COL19A1: variants seen among roughly 807,000 people sequenced by gnomAD.
COL19A1 encodes collagen type XIX alpha 1 chain, also known as collagen alpha-1(XIX) chain.
A neutral mutation model predicts 190.2 loss-of-function variants in COL19A1; 159 were observed. The observed-to-expected ratio is 0.84, with a 90% CI of 0.73 to 0.95. The LOEUF is 0.95. Ranked by LOEUF, COL19A1 falls within the 40% of genes least tolerant of loss-of-function variation. The probability of loss-of-function intolerance (pLI) is 0.00; values close to 1 mark genes in which losing one functional copy is unlikely to be tolerated. For missense variants in COL19A1, 1,418 were observed against 1,431.9 expected (o/e 0.99, Z 0.16); for synonymous variants, 509 against 458.9 (o/e 1.11, Z -1.39).
intron 11 of COL19A1, among the ~76,000 whole-genome samples, chr6:70,001,372 G>T (rs2150084427): frequency 6.6e-6 from 1 of 152,262 alleles, no homozygotes; most frequent in South Asian, 2.1e-4. Context: ...GATTCCATAA[G>T]AAATTTAAAA....
Position 69,959,371 on chromosome 6 carries a change from A to G in COL19A1, c.937-625A>G, listed in dbSNP as rs144800979. 8.6e-5 allele frequency among the ~76,000 whole-genome samples: 13 copies of G among 151,822 alleles called. No homozygotes were observed. In the Middle Eastern group the frequency reaches 0.014, roughly 160 times the overall value. On this transcript the variant is annotated intron_variant, in intron 9 of 50. Transcript: ENST00000620364. ...CATGCTTGTACATATATAAGAATAC[A>G]CACACACACACACATATATATAATA... is the stretch of plus-strand genomic sequence containing the variant.
At chr6:70,204,903 A>G (rs528235944) in intron 49 of COL19A1, among the ~76,000 whole-genome samples, 1 of 152,302 alleles carries the variant, frequency 6.6e-6, no homozygotes, top group Non-Finnish European at 1.5e-5. Context: ...TGTTTAAGTA[A>G]TGGATTTGGG....
chr6:69,889,551 C>G (rs1397493387), intron 2 of COL19A1, among the ~76,000 whole-genome samples: 1 of 151,302 alleles, frequency 6.6e-6, no homozygotes, highest in Non-Finnish European at 1.5e-5. Context: ...AATCTGCGCT[C>G]TATGTCTAGC....
intron 25 of COL19A1, among the ~76,000 whole-genome samples, chr6:70,146,011 A>T (rs183215728): frequency 1.0e-3 from 155 of 152,214 alleles, no homozygotes; most frequent in African/African-American, 3.5e-3. Flanking sequence ...ATCTTACTCT[A>T]TAAATCAGAG....
At chr6:69,998,240 A>G (rs1477570244) in intron 11 of COL19A1, among the ~76,000 whole-genome samples, 2 of 152,236 alleles carry the variant, frequency 1.3e-5, no homozygotes, top group Non-Finnish European at 2.9e-5. Context: ...ACATGCAAAT[A>G]CATTATAACA....
chr6:69,932,255 T>C (rs572801695), intron 6 of COL19A1, among the ~76,000 whole-genome samples: 1 of 152,130 alleles, frequency 6.6e-6, no homozygotes, highest in Admixed American at 6.6e-5. Flanking sequence ...TATACCAATA[T>C]AATATAAAAT....
intron 2 of COL19A1, among the ~76,000 whole-genome samples, chr6:69,884,304 C>G (rs1768764121): frequency 6.7e-6 from 1 of 150,094 alleles, no homozygotes; most frequent in African/African-American, 2.5e-5. Context: ...CACGCCATTG[C>G]ACTCCAGCCT....
At chr6:70,179,408 C>T (rs1766024946) in intron 42 of COL19A1, among the ~76,000 whole-genome samples, 1 of 152,208 alleles carries the variant, frequency 6.6e-6, no homozygotes, top group South Asian at 2.1e-4. Flanking sequence ...CACACTCAGG[C>T]CTTGTGTGCT....
intron 37 of COL19A1, 138 bp downstream of exon 37, chr6:70,166,123 T>A: frequency 1.3e-6 from 1 of 783,252 alleles, no homozygotes; most frequent in Admixed American, 2.0e-5. Context: ...TGATAGCCAA[T>A]GTAGCTTTAA....
intron 11 of COL19A1, among the ~76,000 whole-genome samples, chr6:70,002,184 T>C (rs1777306527): frequency 6.6e-6 from 1 of 152,220 alleles, no homozygotes; most frequent in Admixed American, 6.5e-5. Context: ...TTTGCACATG[T>C]TGAACCAGCC....
intron 2 of COL19A1, among the ~76,000 whole-genome samples, chr6:69,894,331 C>T (rs1349667970): frequency 4.6e-5 from 7 of 152,168 alleles, no homozygotes; most frequent in African/African-American, 4.8e-5. Context: ...TTCCATATGT[C>T]CCCAGGCCTT....
chr6:69,882,297 C>T (rs1768615763), intron 2 of COL19A1, among the ~76,000 whole-genome samples: 1 of 152,102 alleles, frequency 6.6e-6, no homozygotes, highest in Admixed American at 6.6e-5. Context: ...CATATTCTTT[C>T]GTCAATTTGC....
At chr6:70,195,680 C>T (rs1361601745) in intron 48 of COL19A1, among the ~76,000 whole-genome samples, 1 of 152,204 alleles carries the variant, frequency 6.6e-6, no homozygotes, top group African/African-American at 2.4e-5. Flanking sequence ...AACAGGCTTT[C>T]AATCAGTGCT....
At chr6:69,940,248 C>T (rs1773388178) in intron 9 of COL19A1, among the ~76,000 whole-genome samples, 1 of 151,992 alleles carries the variant, frequency 6.6e-6, no homozygotes, top group Non-Finnish European at 1.5e-5. Flanking sequence ...AAATAGACAT[C>T]TCTCACTTTA....
At chr6:69,965,696 G>T (rs1256469678) in intron 11 of COL19A1, among the ~76,000 whole-genome samples, 1 of 152,216 alleles carries the variant, frequency 6.6e-6, no homozygotes, top group Non-Finnish European at 1.5e-5. Flanking sequence ...CAGAAAGGTT[G>T]TTGGTGCTGA....
rs1767938668 is a variant in COL19A1 at position 70,207,228 on chromosome 6, G to T, written c.3383G>T (p.Cys1128Phe). ...GPSGRCNPED[C>F]LYPVSHAHQR... The stretch of plus-strand genomic sequence containing the variant: ...AGTGGAAGATGTAACCCAGAAGATT[G>T]CCTCTATCCTGTGTCTCATGCCCAT... The change falls in exon 51 of 51, where the codon TGC (cysteine) becomes TTC (phenylalanine). Residue 1128 changes from cysteine to phenylalanine, a missense_variant. By Grantham distance (205) the Cys-to-Phe change is radical. Transcript: ENST00000620364. 6.2e-7 allele frequency: 1 copy of T among 1,614,006 alleles called. No individual in the cohort carries two copies. Among genetic ancestry groups the T allele is most frequent in the South Asian group, 1.1e-5 (1 of 91,072 alleles).
chr6:70,059,636 T>G (rs1380951562), intron 14 of COL19A1: 7 of 288,394 alleles, frequency 2.4e-5, no homozygotes, highest in Non-Finnish European at 4.2e-5. Flanking sequence ...TGCTTATTTT[T>G]ATCTTAGCCA....
At chr6:70,019,380 T>C (rs1413166916) in intron 11 of COL19A1, among the ~76,000 whole-genome samples, 1 of 152,126 alleles carries the variant, frequency 6.6e-6, no homozygotes, top group Non-Finnish European at 1.5e-5. Flanking sequence ...GAAAGATTAG[T>C]AATATTAATA....
intron 27 of COL19A1, among the ~76,000 whole-genome samples, chr6:70,149,481 G>A (rs1462768204): frequency 2.0e-5 from 3 of 152,084 alleles, no homozygotes; most frequent in Non-Finnish European, 4.4e-5. Context: ...GATGTCCCAA[G>A]TCCCTGAGCA....
Sources: gnomAD v4.1 joint callset for allele counts (sites outside exome capture counted in the v4.1 genomes callset) on GRCh38, gnomAD v4.1.1 for gene constraint, MANE v1.5 for transcripts, NCBI Gene and HGNC (gene_info 2026-07-23, HGNC 2026-07-21) for gene names.